The following ZNF254 variants were observed in gnomAD, a reference collection of about 807,000 sequenced individuals.
ZNF254 encodes zinc finger protein 254, also known as CTD-2017D11.1.
In ZNF254, 10 loss-of-function variants were observed where a neutral mutation model predicts 12.4. The ratio of observed to expected loss-of-function variants is 0.80; its 90% CI spans 0.50 to 1.36. ZNF254 has a LOEUF of 1.36. ZNF254 is among the 40% of genes most tolerant of loss of function. The pLI is 0.00. For missense variants in ZNF254, 996 were observed against 763.9 expected (o/e 1.30, Z -3.58); for synonymous variants, 305 against 253.4 (o/e 1.20, Z -1.93).
rs1238427074 is a variant in ZNF254 at position 24,128,075 on chromosome 19, G to A, written c.*95G>A. 6.4e-6 allele frequency: 8 copies of A among 1,252,432 alleles called. No individual in the cohort carries two copies. The Admixed American group carries it at 8.0e-5, about 13-fold the overall frequency. The allele number at this position is 1,252,432 out of a possible 1,614,324, so 77.6% of individuals were successfully genotyped here. On this transcript the variant is annotated 3_prime_UTR_variant, in exon 4 of 4. Transcript: ENST00000357002. ...CTACAAACCTGAGAGAGGCGCTAAT[G>A]CTTTTGACAGTACCTAAAACTTTAA... is the stretch of plus-strand genomic sequence containing the variant.
intron 1 of ZNF254, chr19:24,105,473 CT>C (rs757949306): frequency 1.3e-5 from 3 of 228,286 alleles, no homozygotes; most frequent in Non-Finnish European, 2.5e-5. Context: ...GATTCATTAA[CT>C]CAGACTTTAT....
In ZNF254 at chr19:24,126,489, C is replaced by T. The variant is rs1190462453; in HGVS notation, c.489C>T (p.Phe163=). ...AATGTGATAAATATTTGAAAGTCTT[C>T]TATAAATTTTTAAATTCAAACAGAC... The part of the protein sequence containing the change: ...VFQCDKYLKV[F]YKFLNSNRPK... The change falls in exon 4 of 4, where the codon TTC becomes TTT. Residue 163 remains phenylalanine, a synonymous_variant. Coordinates refer to ENST00000357002, the MANE Select transcript of ZNF254 (RefSeq NM_203282.4). 1 of 1,586,886 alleles carries T rather than the reference C, an allele frequency of 6.3e-7. No homozygotes were observed. The highest frequency in any genetic ancestry group is 2.2e-5 in the East Asian group (1 of 44,700).
intron 2 of ZNF254, among the ~76,000 whole-genome samples, chr19:24,054,343 T>C (rs975753093): frequency 2.6e-5 from 4 of 152,192 alleles, no homozygotes; most frequent in Non-Finnish European, 5.9e-5. Flanking sequence ...TGGTGACATA[T>C]ACTATAGTCA....
chr19:24,107,061 T>C, intron 3 of ZNF254: 1 of 447,072 alleles, frequency 2.2e-6, no homozygotes. Context: ...TTTTTTCTTT[T>C]TGGTTTATTT....
intron 2 of ZNF254, among the ~76,000 whole-genome samples, chr19:24,050,118 C>T (rs1037364918): frequency 4.0e-5 from 6 of 151,462 alleles, no homozygotes; most frequent in African/African-American, 1.5e-4. Context: ...ATATCTGGGG[C>T]CCTTTGACTA....
chr19:24,071,668 C>T (rs2145496596), intron 2 of ZNF254, among the ~76,000 whole-genome samples: 1 of 152,240 alleles, frequency 6.6e-6, no homozygotes, highest in South Asian at 2.1e-4. Context: ...CTTCTAATGC[C>T]ACTGCACTCC....
chr19:24,049,991 G>C (rs933414855), intron 2 of ZNF254, among the ~76,000 whole-genome samples: 1 of 151,904 alleles, frequency 6.6e-6, no homozygotes, highest in African/African-American at 2.4e-5. Flanking sequence ...ATACTAGGGT[G>C]ACAGTACTCT....
chr19:24,087,235 CT>C lies in ZNF254; in HGVS notation c.-72del. ...GAGTCCCAGGTCTGTCTTCACTGCTCTGTGTCCTCTGCTCCTAGAGGCCCAG... is the reference window on the plus strand; with the variant it reads ...GAGTCCCAGGTCTGTCTTCACTGCTCGTGTCCTCTGCTCCTAGAGGCCCAG... On this transcript the variant is annotated 5_prime_UTR_variant, in exon 1 of 4. Transcript: ENST00000357002. 6.2e-7 allele frequency: 1 copy of C among 1,603,084 alleles called. No homozygotes were observed. The highest frequency in any genetic ancestry group is 2.2e-5 in the East Asian group (1 of 44,690).
chr19:24,084,067 A>C (rs1971941642), upstream of ZNF254, among the ~76,000 whole-genome samples: 1 of 151,236 alleles, frequency 6.6e-6, no homozygotes, highest in Non-Finnish European at 1.5e-5. Context: ...TTGCAATTGC[A>C]AAAGAATGGA....
intron 3 of ZNF254, among the ~76,000 whole-genome samples, chr19:24,123,277 A>G (rs1047134072): frequency 6.6e-6 from 1 of 152,186 alleles, no homozygotes; most frequent in Non-Finnish European, 1.5e-5. Context: ...AAAGTAGTTC[A>G]TAGAAGTTTA....
In ZNF254 at chr19:24,127,752, C is replaced by T. The variant is rs779147596; in HGVS notation, c.1752C>T (p.Asn584=). Residue 584 remains asparagine (N), a synonymous_variant, in exon 4 of 4, where the codon AAC becomes AAT. Transcript: ENST00000357002. ...GTGAAGAATGTGGCAAATCTTTTAA[C>T]CGGTCTTCAACTTTTACTAAACATA... ...YKCEECGKSF[N]RSSTFTKHKV... is the part of the protein sequence containing the mutation. 6.2e-7 allele frequency: 1 copy of T among 1,612,100 alleles called. No homozygotes were observed. The highest frequency in any genetic ancestry group is 1.1e-5 in the South Asian group (1 of 90,954).
chr19:24,122,145 A>G (rs1568471990), intron 3 of ZNF254, among the ~76,000 whole-genome samples: 2 of 152,238 alleles, frequency 1.3e-5, no homozygotes, highest in Non-Finnish European at 2.9e-5. Flanking sequence ...AATTATCTTG[A>G]CATTGTCATG....
intron 2 of ZNF254, chr19:24,046,373 T>TTATATATATATATATTTATATATA (rs1970386318): frequency 1.0e-5 from 1 of 95,508 alleles, no homozygotes; most frequent in African/African-American, 4.3e-5. Flanking sequence ...TTATTATTTT[T>TTATATATATATATATTTATATATA]TATATATATA....
At chr19:24,092,503 G>A (rs1008687372) in intron 1 of ZNF254, among the ~76,000 whole-genome samples, 4 of 151,860 alleles carry the variant, frequency 2.6e-5, no homozygotes, top group South Asian at 2.1e-4. Flanking sequence ...AGCCTTCCAC[G>A]TACCTGGGAC....
At chr19:24,107,240 G>T (rs1319805270) in intron 3 of ZNF254, 1 of 650,332 alleles carries the variant, frequency 1.5e-6, no homozygotes, top group African/African-American at 1.9e-5. Flanking sequence ...TTACTGTGAA[G>T]AAAAACACTG....
chr19:24,094,098 C>T (rs1238359203), intron 1 of ZNF254, among the ~76,000 whole-genome samples: 1 of 152,086 alleles, frequency 6.6e-6, no homozygotes, highest in East Asian at 1.9e-4. Context: ...AGGGACGCTA[C>T]TAATTTTTGT....
chr19:24,104,529 C>A (rs1230225529), intron 1 of ZNF254: 1 of 152,076 alleles, frequency 6.6e-6, no homozygotes, highest in Non-Finnish European at 1.5e-5. Context: ...CAAATCTTCA[C>A]TTCTATACCT....
chr19:24,037,603 GT>G (rs1174032678), intron 1 of ZNF254, among the ~76,000 whole-genome samples: 1 of 151,050 alleles, frequency 6.6e-6, no homozygotes, highest in Non-Finnish European at 1.5e-5. Flanking sequence ...CCGGCTAATT[GT>G]TTTTTTATTT....
At chr19:24,097,198 G>T (rs568328087) in intron 1 of ZNF254, among the ~76,000 whole-genome samples, 19 of 152,226 alleles carry the variant, frequency 1.2e-4, no homozygotes, top group Admixed American at 4.6e-4. Flanking sequence ...TTTGGCAAGA[G>T]ATTATTCTTA....
Sources: gnomAD v4.1 joint callset for allele counts (sites outside exome capture counted in the v4.1 genomes callset) on GRCh38, gnomAD v4.1.1 for gene constraint, MANE v1.5 for transcripts, NCBI Gene and HGNC (gene_info 2026-07-23, HGNC 2026-07-21) for gene names.